The following KAZN variants were observed in gnomAD, a reference collection of about 807,000 sequenced individuals.
KAZN encodes kazrin, periplakin interacting protein.
Under a neutral mutation model 87.4 loss-of-function variants are expected in KAZN, and 40 were observed. That is an observed-to-expected ratio of 0.46 (90% confidence interval 0.36 to 0.60). The LOEUF (loss-of-function observed/expected upper bound fraction) is 0.60. Ranked by LOEUF, KAZN falls within the 20% of genes least tolerant of loss-of-function variation. The pLI is 0.00. For missense variants in KAZN, 898 were observed against 1,073.9 expected (o/e 0.84, Z 2.29); for synonymous variants, 466 against 458.3 (o/e 1.02, Z -0.22).
At chr1:14,383,789 G>T (rs1661591286) in intron 2 of KAZN, among the ~76,000 whole-genome samples, 1 of 152,086 alleles carries the variant, frequency 6.6e-6, no homozygotes, top group Non-Finnish European at 1.5e-5. Context: ...GGATTGACTT[G>T]GCTATATGGG....
At chr1:15,050,024 AGTAGGGTAGGGTAGGGTAGG>A (rs762329299) in intron 4 of KAZN, among the ~76,000 whole-genome samples, 3 of 120,418 alleles carry the variant, frequency 2.5e-5, no homozygotes, top group Admixed American at 8.6e-5. Context: ...ATCAGAGTAG[AGTAGGGTAGGGTAGGGTAGG>A]GTAGGGTAGG....
Position 14,370,347 on chromosome 1 carries a change from G to A in KAZN, c.249+189755G>A, listed in dbSNP as rs558882360. 1.2e-3 allele frequency among the ~76,000 whole-genome samples: 187 copies of A among 152,304 alleles called. 1 individual carries two copies. Among genetic ancestry groups the A allele is most frequent in the African/African-American group, 3.2e-3 (134 of 41,574 alleles). On this transcript the variant is annotated intron_variant, in intron 2 of 16. Transcript: ENST00000636203. ...CAGAACACATGAAGGCTGCCAAGCT[G>A]TTGTTCAGTGAGTGTGGCCACCCCC... is the stretch of plus-strand genomic sequence containing the variant.
At chr1:14,326,247 G>T (rs931280215) in intron 2 of KAZN, among the ~76,000 whole-genome samples, 1 of 152,076 alleles carries the variant, frequency 6.6e-6, no homozygotes, top group Non-Finnish European at 1.5e-5. Flanking sequence ...AAGGAAAAGA[G>T]AACTCTATGC....
intron 8 of KAZN, among the ~76,000 whole-genome samples, chr1:15,092,629 G>A (rs1050951635): frequency 2.0e-5 from 3 of 151,980 alleles, no homozygotes; most frequent in Admixed American, 6.6e-5. Context: ...ACGCCACCAC[G>A]TCCAGCTAAT....
rs1639277267 is a variant in KAZN at position 15,067,118 on chromosome 1, T to C, written c.1222+1365T>C. The C allele has an allele frequency of 3.0e-6, 3 of 985,692 alleles. No individual in the cohort carries two copies. In the African/African-American group the frequency reaches 5.2e-5, roughly 17 times the overall value. The allele number at this position is 985,692 out of a possible 1,614,324, so 61.1% of individuals were successfully genotyped here. ...GTTCCTCCCTGCAGCTGTGTCTTTC[T>C]TGTCCTGGGTTTAGGATGCAGGTGG... On this transcript the variant is annotated intron_variant, in intron 8 of 14. Transcript: ENST00000376030.
intron 2 of KAZN, among the ~76,000 whole-genome samples, chr1:14,576,674 A>G (rs1675206699): frequency 6.6e-6 from 1 of 152,212 alleles, no homozygotes; most frequent in African/African-American, 2.4e-5. Context: ...ATTGAACGCT[A>G]AAGATTTAAA....
At chr1:14,682,883 C>A (rs541052788) in intron 1 of KAZN, among the ~76,000 whole-genome samples, 183 of 152,318 alleles carry the variant, frequency 1.2e-3, no homozygotes, top group African/African-American at 3.5e-3. Context: ...GCAGCTGCCA[C>A]TGGCAGCTCT....
At chr1:14,677,772 G>T (rs1385367421) in intron 1 of KAZN, among the ~76,000 whole-genome samples, 1 of 152,190 alleles carries the variant, frequency 6.6e-6, no homozygotes, top group Non-Finnish European at 1.5e-5. Flanking sequence ...GTCCAGAATA[G>T]CCAGGGTCTG....
chr1:15,073,765 A>G (rs1379295135), intron 8 of KAZN, among the ~76,000 whole-genome samples: 2 of 152,060 alleles, frequency 1.3e-5, no homozygotes, highest in African/African-American at 4.8e-5. Flanking sequence ...ACTCCTCCTG[A>G]CCTGTGTCTG....
chr1:14,168,335 T>C (rs1034779055), intron 1 of KAZN, among the ~76,000 whole-genome samples: 1 of 152,168 alleles, frequency 6.6e-6, no homozygotes, highest in African/African-American at 2.4e-5. Context: ...GAACAAGGCA[T>C]GGTTAGATCC....
At chr1:14,367,365 G>A (rs1660093784) in intron 2 of KAZN, among the ~76,000 whole-genome samples, 1 of 152,180 alleles carries the variant, frequency 6.6e-6, no homozygotes, top group Non-Finnish European at 1.5e-5. Flanking sequence ...TCCCTCTGAA[G>A]GCAAGCTACT....
At chr1:14,801,432 G>C (rs1018130106) in intron 1 of KAZN, among the ~76,000 whole-genome samples, 1 of 152,150 alleles carries the variant, frequency 6.6e-6, no homozygotes, top group Non-Finnish European at 1.5e-5. Flanking sequence ...GCAGTCCAGA[G>C]AGTGGCTGGG....
chr1:14,251,893 C>T (rs528840724), intron 2 of KAZN, among the ~76,000 whole-genome samples: 4 of 152,082 alleles, frequency 2.6e-5, no homozygotes, highest in South Asian at 4.2e-4. Context: ...AAGTGATCCA[C>T]CTGCCTCGAT....
chr1:14,098,123 C>T (rs1196189497), intron 1 of KAZN, among the ~76,000 whole-genome samples: 1 of 152,064 alleles, frequency 6.6e-6, no homozygotes, highest in Non-Finnish European at 1.5e-5. Flanking sequence ...CAGCAAAGGG[C>T]TGGAGCTCTT....
chr1:14,457,907 T>A (rs1667657261), intron 2 of KAZN, among the ~76,000 whole-genome samples: 1 of 151,028 alleles, frequency 6.6e-6, no homozygotes, highest in Admixed American at 6.6e-5. Flanking sequence ...AAGCTCTGCC[T>A]CCCGTGTTCA....
intron 1 of KAZN, among the ~76,000 whole-genome samples, chr1:14,655,005 T>C (rs1638697122): frequency 6.6e-6 from 1 of 152,182 alleles, no homozygotes; most frequent in African/African-American, 2.4e-5. Context: ...CAAACTTGAG[T>C]GAGCCCGAGA....
intron 1 of KAZN, among the ~76,000 whole-genome samples, chr1:14,759,633 A>T (rs905173973): frequency 6.6e-6 from 1 of 152,184 alleles, no homozygotes; most frequent in Non-Finnish European, 1.5e-5. Flanking sequence ...CATAGGAAGC[A>T]TCAGACGGCT....
intron 1 of KAZN, among the ~76,000 whole-genome samples, chr1:13,936,072 A>T (rs969824794): frequency 3.6e-4 from 47 of 128,838 alleles, no homozygotes; most frequent in African/African-American, 1.2e-3. Flanking sequence ...TTTTATTTTT[A>T]TAGATTTAGG....
In KAZN at chr1:13,893,773, G is replaced by A. The variant is rs531157498; in HGVS notation, c.91+17G>A. 130 of 1,550,250 alleles carry A rather than the reference G, an allele frequency of 8.4e-5. No individual in the cohort carries two copies. The African/African-American group carries it at 1.7e-3, about 20-fold the overall frequency. ...TGCAAGCAGGTAGGAATTGCGTCGTGTGTCATGTGCCCAGAGAATGGGAAG... is the reference window on the plus strand; with the variant it reads ...TGCAAGCAGGTAGGAATTGCGTCGTATGTCATGTGCCCAGAGAATGGGAAG... On this transcript the variant is annotated intron_variant, in intron 1 of 16. Coordinates refer to the KAZN transcript ENST00000636203.
Sources: allele counts gnomAD v4.1 joint callset (sites outside exome capture counted in the v4.1 genomes callset), GRCh38; gene constraint gnomAD v4.1.1; transcripts MANE v1.5; gene names NCBI Gene and HGNC (gene_info 2026-07-23, HGNC 2026-07-21).